FSTL4: variants seen among roughly 807,000 people sequenced by gnomAD.
FSTL4 encodes follistatin-related protein 4.
FSTL4 carries 28 observed loss-of-function variants against 78.2 expected under a neutral mutation model. The ratio of observed to expected loss-of-function variants is 0.36; its 90% CI spans 0.27 to 0.49. The LOEUF (loss-of-function observed/expected upper bound fraction) is 0.49, where lower values mean the gene tolerates loss of function less well. FSTL4 is among the 20% of genes least tolerant of loss of function. The pLI is 0.98. For synonymous variants in FSTL4, 422 were observed against 440.5 expected, an observed-to-expected ratio of 0.96 and a Z score of 0.53; for missense variants, 922 against 1,084.9, an observed-to-expected ratio of 0.85 and a Z score of 2.11.
the FSTL4 span, among the ~76,000 whole-genome samples, chr5:133,712,306 T>C: frequency 6.6e-6 from 1 of 152,098 alleles, no homozygotes; most frequent in Non-Finnish European, 1.5e-5. Context: ...GATATGGCAA[T>C]TGTGGTGCTT....
the FSTL4 span, among the ~76,000 whole-genome samples, chr5:133,772,433 A>G: frequency 6.6e-6 from 1 of 152,218 alleles, no homozygotes; most frequent in East Asian, 1.9e-4. Flanking sequence ...TGAATCATGT[A>G]GTTAAATTTC....
intron 4 of FSTL4, among the ~76,000 whole-genome samples, chr5:133,367,184 T>G (rs1187610092): frequency 6.6e-6 from 1 of 152,072 alleles, no homozygotes; most frequent in African/African-American, 2.4e-5. Context: ...TAGGCAGCAA[T>G]GAGAAGAATG....
chr5:133,279,193 T>C (rs987871038), intron 6 of FSTL4, among the ~76,000 whole-genome samples: 5 of 152,224 alleles, frequency 3.3e-5, no homozygotes, highest in African/African-American at 9.6e-5. Flanking sequence ...CCATGGCCTG[T>C]TAGGAGCCGG....
the FSTL4 span, among the ~76,000 whole-genome samples, chr5:133,655,158 A>G: frequency 6.6e-6 from 1 of 152,192 alleles, no homozygotes; most frequent in African/African-American, 2.4e-5. Flanking sequence ...GTCTGGAACC[A>G]GGCTCTAGAC....
At chr5:133,832,432 C>T in the FSTL4 span, among the ~76,000 whole-genome samples, 8 of 152,232 alleles carry the variant, frequency 5.3e-5, no homozygotes, top group South Asian at 1.7e-3. Context: ...AACCACAGAT[C>T]GATGGCAGTC....
chr5:133,544,110 C>T (rs991618853), intron 3 of FSTL4, among the ~76,000 whole-genome samples: 3 of 152,052 alleles, frequency 2.0e-5, no homozygotes, highest in Non-Finnish European at 1.5e-5. Flanking sequence ...AGTTATGAGA[C>T]ATTATTATTT....
chr5:133,546,629 A>G (rs1486748544), intron 3 of FSTL4, among the ~76,000 whole-genome samples: 1 of 152,148 alleles, frequency 6.6e-6, no homozygotes, highest in African/African-American at 2.4e-5. Context: ...GCAAGACAAT[A>G]GAAGACAGAT....
the FSTL4 span, among the ~76,000 whole-genome samples, chr5:133,751,920 A>G: frequency 6.6e-6 from 1 of 152,194 alleles, no homozygotes; most frequent in Admixed American, 6.5e-5. Flanking sequence ...CTAATGGATC[A>G]GACAAAGGAA....
rs181961078 is a variant in FSTL4 at position 133,241,146 on chromosome 5, G to C, written c.895-7609C>G. 3.3e-5 allele frequency among the ~76,000 whole-genome samples: 5 copies of C among 152,378 alleles called. No homozygotes were observed. The East Asian group carries it at 7.7e-4, about 24-fold the overall frequency. On this transcript the variant is annotated intron_variant, in intron 7 of 15. Transcript: ENST00000265342. ...GAGGAGAACAGAGATTCCACGTTTA[G>C]AGCCCTCCTGGGCTCTGCCCTTTGG...
the FSTL4 span, among the ~76,000 whole-genome samples, chr5:133,652,583 A>G: frequency 6.6e-6 from 1 of 152,022 alleles, no homozygotes; most frequent in African/African-American, 2.4e-5. Flanking sequence ...ATTTACTTTT[A>G]CTTTTTGCTT....
chr5:133,501,756 C>A (rs894229254), intron 3 of FSTL4, among the ~76,000 whole-genome samples: 2 of 152,110 alleles, frequency 1.3e-5, no homozygotes, highest in East Asian at 3.9e-4. Context: ...GAATTGGGTC[C>A]TTCAAAAAGG....
At chr5:133,442,697 T>G (rs2127004139) in intron 3 of FSTL4, among the ~76,000 whole-genome samples, 1 of 152,370 alleles carries the variant, frequency 6.6e-6, no homozygotes, top group African/African-American at 2.4e-5. Context: ...TATGACCCCC[T>G]GGGTCACAGA....
intron 15 of FSTL4, among the ~76,000 whole-genome samples, chr5:133,201,153 T>C (rs76111403): frequency 4.9e-4 from 75 of 152,322 alleles, no homozygotes; most frequent in African/African-American, 1.8e-3. Context: ...TGGCGGATTA[T>C]AGAAAGGTAT....
intron 6 of FSTL4, chr5:133,270,297 T>G (rs1176657872): frequency 6.6e-6 from 1 of 152,210 alleles, no homozygotes; most frequent in African/African-American, 2.4e-5. Context: ...GCTACAGGAC[T>G]GTGAAATGTC....
the FSTL4 span, among the ~76,000 whole-genome samples, chr5:133,648,627 T>C: frequency 6.6e-6 from 1 of 152,048 alleles, no homozygotes; most frequent in African/African-American, 2.4e-5. Flanking sequence ...CAACCACAGT[T>C]CCCCGGGCTT....
At chr5:133,321,098 C>T (rs543391433) in intron 4 of FSTL4, among the ~76,000 whole-genome samples, 1 of 152,126 alleles carries the variant, frequency 6.6e-6, no homozygotes, top group Non-Finnish European at 1.5e-5. Flanking sequence ...CCCCAGTCAG[C>T]CCTGCCCACC....
chr5:133,761,627 T>C, the FSTL4 span, among the ~76,000 whole-genome samples: 6 of 152,214 alleles, frequency 3.9e-5, no homozygotes, highest in Non-Finnish European at 5.9e-5. Context: ...TCTTCCAAGA[T>C]TGACACAGCA....
chr5:133,791,440 T>A, the FSTL4 span, among the ~76,000 whole-genome samples: 1 of 152,204 alleles, frequency 6.6e-6, no homozygotes, highest in Non-Finnish European at 1.5e-5. Flanking sequence ...TAAATTCACA[T>A]AGGAGTGATA....
the FSTL4 span, among the ~76,000 whole-genome samples, chr5:133,639,729 C>A: frequency 6.6e-6 from 1 of 152,188 alleles, no homozygotes; most frequent in Non-Finnish European, 1.5e-5. Flanking sequence ...ACCACGTTAC[C>A]TCTGCCCATG....
Sources: allele counts gnomAD v4.1 joint callset (sites outside exome capture counted in the v4.1 genomes callset), GRCh38; gene constraint gnomAD v4.1.1; transcripts MANE v1.5; gene names NCBI Gene and HGNC (gene_info 2026-07-23, HGNC 2026-07-21).